TTC28: variants seen among roughly 807,000 people sequenced by gnomAD.
TTC28 encodes the protein tetratricopeptide repeat protein 28.
In TTC28, 61 loss-of-function variants were observed where a neutral mutation model predicts 198.0. That is an observed-to-expected ratio of 0.31 (90% CI 0.25 to 0.38). The LOEUF (loss-of-function observed/expected upper bound fraction) is 0.38. Ranked by LOEUF, TTC28 falls within the 10% of genes least tolerant of loss-of-function variation. The pLI is 1.00. For synonymous variants in TTC28, 1,171 were observed against 1,297.8 expected, an observed-to-expected ratio of 0.90 and a Z score of 2.10; for missense variants, 2,678 against 3,164.0, an observed-to-expected ratio of 0.85 and a Z score of 3.69.
chr22:28,175,254 C>G (rs1388254502), intron 5 of TTC28, among the ~76,000 whole-genome samples: 1 of 152,062 alleles, frequency 6.6e-6, no homozygotes, highest in Non-Finnish European at 1.5e-5. Context: ...AAAGCAAAAA[C>G]AGATAAATGA....
chr22:28,515,699 T>A (rs1297864153), intron 2 of TTC28, among the ~76,000 whole-genome samples: 1 of 152,294 alleles, frequency 6.6e-6, no homozygotes, highest in South Asian at 2.1e-4. Flanking sequence ...CCACTATACA[T>A]GGCATATGCA....
intron 2 of TTC28, among the ~76,000 whole-genome samples, chr22:28,364,348 C>T (rs1411828646): frequency 6.6e-6 from 1 of 152,200 alleles, no homozygotes; most frequent in Non-Finnish European, 1.5e-5. Flanking sequence ...GCCTCCCCAG[C>T]CACGTGGAAC....
intron 6 of TTC28, among the ~76,000 whole-genome samples, chr22:28,138,049 A>G (rs1943243600): frequency 6.6e-6 from 1 of 152,056 alleles, no homozygotes; most frequent in Non-Finnish European, 1.5e-5. Flanking sequence ...TATAGCCACT[A>G]TGTCTGGCCC....
At chr22:28,148,098 C>T (rs968277802) in intron 6 of TTC28, among the ~76,000 whole-genome samples, 2 of 152,038 alleles carry the variant, frequency 1.3e-5, no homozygotes, top group African/African-American at 2.4e-5. Context: ...GGATGAAGAT[C>T]CAAAAAGGTT....
At chr22:28,399,015 CTT>C (rs77161387) in intron 2 of TTC28, among the ~76,000 whole-genome samples, 43 of 135,082 alleles carry the variant, frequency 3.2e-4, no homozygotes, top group Middle Eastern at 3.5e-3. Context: ...GTTATTTTGC[CTT>C]TTTTTTTTTT....
intron 6 of TTC28, among the ~76,000 whole-genome samples, chr22:28,131,188 A>G (rs950427142): frequency 6.6e-6 from 1 of 152,154 alleles, no homozygotes; most frequent in Non-Finnish European, 1.5e-5. Flanking sequence ...TTAATTTAGT[A>G]TTATGTTGAA....
intron 2 of TTC28, among the ~76,000 whole-genome samples, chr22:28,533,119 C>T (rs1010608810): frequency 5.9e-5 from 9 of 152,296 alleles, no homozygotes; most frequent in Admixed American, 3.3e-4. Context: ...GTCAAATTGT[C>T]CCTGTTTGTA....
chr22:27,983,969 C>G (rs936370513), intron 22 of TTC28, 118 bp from the exon 23 acceptor site: 1 of 1,061,824 alleles, frequency 9.4e-7, no homozygotes, highest in Non-Finnish European at 1.3e-6. Context: ...TATGCAAGAG[C>G]TACTCATATT....
chr22:28,443,799 A>C (rs2047660905), intron 2 of TTC28, among the ~76,000 whole-genome samples: 2 of 152,278 alleles, frequency 1.3e-5, no homozygotes, highest in South Asian at 4.1e-4. Flanking sequence ...AACGGCTCCT[A>C]AGGAATCAAA....
Position 28,597,607 on chromosome 22 carries a change from T to C in TTC28, c.381+31945A>G, listed in dbSNP as rs987693249. 8.5e-5 allele frequency among the ~76,000 whole-genome samples: 13 copies of C among 152,278 alleles called. 2 individuals carry two copies. The highest frequency in any genetic ancestry group is 7.8e-4 in the Admixed American group (12 of 15,288). On this transcript the variant is annotated intron_variant, in intron 2 of 22. Coordinates refer to ENST00000397906, the MANE Select transcript of TTC28 (RefSeq NM_001145418.2). ...ATACACTGTAATATGCACTGCACTA[T>C]TTCCAGTCCACCATGAATATCACCA...
At chr22:28,128,399 C>T (rs1036436734) in intron 6 of TTC28, among the ~76,000 whole-genome samples, 81 of 152,288 alleles carry the variant, frequency 5.3e-4, no homozygotes, top group African/African-American at 1.9e-3. Flanking sequence ...ACAGTTCTAG[C>T]AAACTGCTTA....
chr22:28,045,613 T>G (rs567245171), intron 12 of TTC28, among the ~76,000 whole-genome samples: 1 of 152,346 alleles, frequency 6.6e-6, no homozygotes, highest in South Asian at 2.1e-4. Flanking sequence ...ATTCTGTGAA[T>G]GTGTTTTACC....
chr22:28,030,147 A>G, intron 13 of TTC28, 79 bp downstream of exon 13: 1 of 1,505,164 alleles, frequency 6.6e-7, no homozygotes, highest in Non-Finnish European at 8.9e-7. Flanking sequence ...AGCTGGAAGG[A>G]GCATCCACTG....
chr22:28,586,469 T>C (rs1328027632), intron 2 of TTC28, among the ~76,000 whole-genome samples: 3 of 152,086 alleles, frequency 2.0e-5, no homozygotes, highest in African/African-American at 7.2e-5. Flanking sequence ...CATAGATTTC[T>C]ATCTATGGAA....
At chr22:28,501,727 C>A (rs1228653825) in intron 2 of TTC28, among the ~76,000 whole-genome samples, 1 of 152,076 alleles carries the variant, frequency 6.6e-6, no homozygotes, top group Non-Finnish European at 1.5e-5. Flanking sequence ...CTAAGTAGTT[C>A]TTTTTCAAGT....
rs184195965 is a variant in TTC28 at position 28,614,389 on chromosome 22, A to T, written c.381+15163T>A. On this transcript the variant is annotated intron_variant, in intron 2 of 22. Transcript: ENST00000397906. ...ACTGCCCAAAGTAATTTATAGATTC[A>T]ATGCTATCCCCATCAAGCTACCATT... is the stretch of plus-strand genomic sequence containing the variant. Among the ~76,000 whole-genome samples, 19 of 152,350 alleles carry T rather than the reference A, an allele frequency of 1.2e-4. No homozygotes were observed. In the East Asian group the frequency reaches 3.7e-3, roughly 29 times the overall value.
chr22:28,501,117 G>C (rs2048531968), intron 2 of TTC28, among the ~76,000 whole-genome samples: 1 of 152,094 alleles, frequency 6.6e-6, no homozygotes, highest in African/African-American at 2.4e-5. Flanking sequence ...TATATGCCAA[G>C]CACAGCATTA....
At chr22:28,290,005 C>T (rs951640618) in intron 5 of TTC28, among the ~76,000 whole-genome samples, 6 of 151,870 alleles carry the variant, frequency 4.0e-5, no homozygotes, top group African/African-American at 1.5e-4. Context: ...GCCTAGGCGA[C>T]AGAGCGAGAC....
At chr22:28,642,612 A>C (rs1216710655) in intron 1 of TTC28, among the ~76,000 whole-genome samples, 1 of 152,220 alleles carries the variant, frequency 6.6e-6, no homozygotes, top group Non-Finnish European at 1.5e-5. Flanking sequence ...AATCAAAAGA[A>C]AGTGAAGAAG....
Sources: allele counts gnomAD v4.1 joint callset (sites outside exome capture counted in the v4.1 genomes callset), GRCh38; gene constraint gnomAD v4.1.1; transcripts MANE v1.5; gene names NCBI Gene and HGNC (gene_info 2026-07-23, HGNC 2026-07-21).